The following DMD variants were observed in gnomAD, a reference collection of about 807,000 sequenced individuals.
The protein encoded by DMD is mutant dystrophin.
Under a neutral mutation model 330.1 loss-of-function variants are expected in DMD, and 63 were observed. That is an observed-to-expected ratio of 0.19 (90% CI 0.16 to 0.24). The LOEUF is 0.24. Ranked by LOEUF, DMD falls within the 10% of genes least tolerant of loss-of-function variation. DMD has a pLI of 1.00. For missense variants in DMD, 3,344 were observed against 2,684.1 expected, an observed-to-expected ratio of 1.25 and a Z score of -5.43; for synonymous variants, 1,223 against 959.8, an observed-to-expected ratio of 1.27 and a Z score of -5.07.
chrX:32,701,012 T>C (rs2064078175), intron 7 of DMD, among the ~76,000 whole-genome samples: 1 of 112,195 alleles, frequency 8.9e-6, no homozygotes, highest in African/African-American at 3.2e-5. Context: ...AAAAAATTAA[T>C]GTTCCTTGGT....
intron 2 of DMD, among the ~76,000 whole-genome samples, chrX:32,888,184 C>T (rs757225581): frequency 3.2e-4 from 35 of 110,107 alleles, no homozygotes; most frequent in South Asian, 7.8e-4. Flanking sequence ...ATGTGCAGAA[C>T]GTGCAGGCTT....
chrX:31,977,839 A>ATT (rs1442570274), intron 44 of DMD, among the ~76,000 whole-genome samples: 2 of 110,011 alleles, frequency 1.8e-5, no homozygotes, highest in Non-Finnish European at 3.8e-5. Context: ...CCCCATTATC[A>ATT]GTACATTGTA....
intron 55 of DMD, among the ~76,000 whole-genome samples, chrX:31,510,506 C>CTTTTTT (rs756448666): frequency 3.3e-4 from 28 of 84,532 alleles, no homozygotes; most frequent in African/African-American, 1.2e-3. Context: ...TCTGACTGCT[C>CTTTTTT]TTTTTTTTTT....
intron 47 of DMD, among the ~76,000 whole-genome samples, chrX:31,883,468 T>C (rs751154770): frequency 9.0e-6 from 1 of 111,474 alleles, no homozygotes; most frequent in Admixed American, 9.5e-5. Flanking sequence ...TTTCTATGTG[T>C]CTTTATACTT....
intron 1 of DMD, among the ~76,000 whole-genome samples, chrX:33,134,638 A>G (rs1207973180): frequency 8.9e-6 from 1 of 112,430 alleles, no homozygotes; most frequent in Non-Finnish European, 1.9e-5. Context: ...GGTGATAGAT[A>G]TGTTAGTCAG....
chrX:32,732,053 A>G (rs1383679106), intron 7 of DMD, among the ~76,000 whole-genome samples: 9 of 111,830 alleles, frequency 8.0e-5, no homozygotes, highest in Admixed American at 7.6e-4. Flanking sequence ...TAACCATTAC[A>G]GAGAAGTGCT....
chrX:33,129,617 A>AC (rs1557271538), intron 1 of DMD, among the ~76,000 whole-genome samples: 20 of 105,716 alleles, frequency 1.9e-4, no homozygotes, highest in African/African-American at 6.9e-4. Flanking sequence ...AATGTGACTG[A>AC]TTTTTTTTTT....
At chrX:32,772,045 T>C (rs1014358955) in intron 7 of DMD, among the ~76,000 whole-genome samples, 8 of 111,323 alleles carry the variant, frequency 7.2e-5, no homozygotes, top group Admixed American at 1.9e-4. Context: ...CAGAAGAAGA[T>C]AGAACTAGAA....
intron 55 of DMD, among the ~76,000 whole-genome samples, chrX:31,516,705 T>G (rs780274509): frequency 1.8e-5 from 2 of 111,870 alleles, no homozygotes; most frequent in East Asian, 2.8e-4. Flanking sequence ...GAGACTATTA[T>G]CCTGCAGGGT....
rs747127498 is a variant in DMD at position 32,621,818 on chromosome X, T to C, written c.1332-7365A>G. The stretch of plus-strand genomic sequence containing the variant: ...TTAGTGGTTCTGAAAGTGTGGTTAC[T>C]GGACCCTGGACCAACAGCATCAGCC... On this transcript the variant is annotated intron_variant, in intron 11 of 78. Transcript: ENST00000357033. Among the ~76,000 whole-genome samples, 240 of 111,266 alleles carry C rather than the reference T, an allele frequency of 2.2e-3. 2 individuals are homozygous for C. The highest frequency in any genetic ancestry group is 4.6e-3 in the Middle Eastern group (1 of 216).
intron 50 of DMD, among the ~76,000 whole-genome samples, chrX:31,808,892 A>C (rs2092373844): frequency 9.0e-6 from 1 of 111,148 alleles, no homozygotes; most frequent in Non-Finnish European, 1.9e-5. Context: ...ATAGTTATGA[A>C]AAGTATGCTA....
At chrX:31,407,157 A>G (rs1602538399) in intron 60 of DMD, among the ~76,000 whole-genome samples, 2 of 111,876 alleles carry the variant, frequency 1.8e-5, no homozygotes, top group Admixed American at 1.9e-4. Context: ...CTTATTTTTT[A>G]TTATTATTTT....
intron 41 of DMD, among the ~76,000 whole-genome samples, chrX:32,312,523 T>G (rs142814364): frequency 0.014 from 1,558 of 110,984 alleles, 25 homozygotes; most frequent in African/African-American, 0.05. Context: ...CACTTTTGTC[T>G]GCTAACTTGT....
rs758566698 is a variant in DMD at position 32,226,554 on chromosome X, T to A, written c.6291-9491A>T. On this transcript the variant is annotated intron_variant, in intron 43 of 78. Transcript: ENST00000357033. ...AATTCCTGGTACTAAGCGCTGTTCC[T>A]GGTACATGATAAATGTTGAATACAT... Among the ~76,000 whole-genome samples, 12 of 111,966 alleles carry A rather than the reference T, an allele frequency of 1.1e-4. No homozygotes were observed. The South Asian group carries it at 4.4e-3, about 42-fold the overall frequency.
At chrX:32,432,385 C>T (rs183326044) in intron 29 of DMD, among the ~76,000 whole-genome samples, 6 of 111,733 alleles carry the variant, frequency 5.4e-5, no homozygotes, top group South Asian at 3.7e-4. Context: ...AGGCATGTTA[C>T]GGCATGACTT....
At chrX:31,449,306 A>G (rs1488522168) in intron 59 of DMD, among the ~76,000 whole-genome samples, 1 of 111,315 alleles carries the variant, frequency 9.0e-6, no homozygotes, top group Non-Finnish European at 1.9e-5. Flanking sequence ...AGACTGTGAG[A>G]GGGAGTTGAC....
chrX:32,774,665 ACCCATCC>A (rs1300813151), intron 7 of DMD, among the ~76,000 whole-genome samples: 1 of 110,502 alleles, frequency 9.0e-6, no homozygotes, highest in Non-Finnish European at 1.9e-5. Flanking sequence ...TAGGGGAACC[ACCCATCC>A]CCCATCCCCC....
At chrX:32,814,846 A>C (rs1482508638) in intron 6 of DMD, among the ~76,000 whole-genome samples, 1 of 111,631 alleles carries the variant, frequency 9.0e-6, no homozygotes, top group African/African-American at 3.3e-5. Context: ...AAAACGTTAG[A>C]GAGCCAACAA....
At chrX:31,891,993 C>T (rs1474261682) in intron 47 of DMD, among the ~76,000 whole-genome samples, 4 of 112,204 alleles carry the variant, frequency 3.6e-5, no homozygotes, top group Admixed American at 9.4e-5. Flanking sequence ...TTTAAATCCA[C>T]GACCCTCCTG....
Sources: allele counts gnomAD v4.1 joint callset (sites outside exome capture counted in the v4.1 genomes callset), GRCh38; gene constraint gnomAD v4.1.1; transcripts MANE v1.5; gene names NCBI Gene and HGNC (gene_info 2026-07-23, HGNC 2026-07-21).